Variants in ZNF367 observed in about 807,000 individuals in gnomAD.
ZNF367 encodes zinc finger protein 367, also known as C2H2 zinc finger protein ZFF29.
Under a neutral mutation model 31.8 loss-of-function variants are expected in ZNF367, and 11 were observed. The ratio of observed to expected loss-of-function variants is 0.35; its 90% confidence interval spans 0.22 to 0.57. The LOEUF (loss-of-function observed/expected upper bound fraction) is 0.57. ZNF367 is among the 20% of genes least tolerant of loss of function. The pLI is 0.85. For synonymous variants in ZNF367, 199 were observed against 202.4 expected (o/e 0.98, Z 0.14); for missense variants, 353 against 484.1 (o/e 0.73, Z 2.54).
At position 96,398,306 on chromosome 9, in the gene ZNF367, G is replaced by A; in HGVS notation, c.429C>T (p.Ile143=). Residue 143 remains isoleucine, a synonymous_variant, in exon 2 of 5, where the codon ATC becomes ATT. Coordinates refer to ENST00000375256, the MANE Select transcript of ZNF367 (RefSeq NM_153695.4). The stretch of plus-strand genomic sequence containing the variant: ...TATCTGCTCTGGGCCTACCACGTCG[G>A]ATTCCATCCTGTTGATAATTTTTAT... ...SPDSGHLKDG[I]RRGRPRADTV... 6.2e-7 allele frequency: 1 copy of A among 1,600,824 alleles called. No individual in the cohort carries two copies. The highest frequency in any genetic ancestry group is 8.5e-7 in the Non-Finnish European group (1 of 1,175,654).
intron 1 of ZNF367, among the ~76,000 whole-genome samples, chr9:96,402,982 T>C (rs1260800014): frequency 1.3e-5 from 2 of 151,892 alleles, no homozygotes; most frequent in Admixed American, 1.3e-4. Context: ...ACACTTTTTT[T>C]TTTTTGAGAC....
At chr9:96,393,669 T>C (rs1282437302) in intron 3 of ZNF367, among the ~76,000 whole-genome samples, 1 of 151,670 alleles carries the variant, frequency 6.6e-6, no homozygotes. Context: ...CCATCTCTAC[T>C]AAAAATACAA....
intron 1 of ZNF367, among the ~76,000 whole-genome samples, chr9:96,416,214 G>A (rs1831829117): frequency 1.3e-5 from 2 of 151,444 alleles, no homozygotes; most frequent in East Asian, 1.9e-4. Context: ...AGCCTCCCGA[G>A]TAGCTGGGAC....
chr9:96,409,135 G>A (rs544601648), intron 1 of ZNF367, among the ~76,000 whole-genome samples: 4 of 151,994 alleles, frequency 2.6e-5, no homozygotes, highest in East Asian at 1.9e-4. Context: ...GCTCCCCTTC[G>A]CCTTCTGCCT....
intron 1 of ZNF367, chr9:96,407,805 G>C: frequency 4.7e-6 from 5 of 1,059,232 alleles, no homozygotes; most frequent in Non-Finnish European, 6.9e-6. Context: ...CAATGAGACG[G>C]GGTTTCACCG....
intron 1 of ZNF367, among the ~76,000 whole-genome samples, chr9:96,413,526 G>C (rs1831780291): frequency 6.6e-6 from 1 of 152,148 alleles, no homozygotes; most frequent in African/African-American, 2.4e-5. Flanking sequence ...AATAGTATCT[G>C]AGAAGCCAGA....
intron 1 of ZNF367, among the ~76,000 whole-genome samples, chr9:96,404,384 A>G (rs1587746261): frequency 6.6e-6 from 1 of 152,092 alleles, no homozygotes; most frequent in East Asian, 1.9e-4. Flanking sequence ...TACGAGGTCA[A>G]GAGATCGAGA....
At chr9:96,416,077 T>A (rs982035667) in intron 1 of ZNF367, among the ~76,000 whole-genome samples, 1 of 143,916 alleles carries the variant, frequency 6.9e-6, no homozygotes, top group Non-Finnish European at 1.5e-5. Flanking sequence ...TTATGGTTTT[T>A]TTTTTTGTTG....
intron 3 of ZNF367, among the ~76,000 whole-genome samples, chr9:96,393,007 C>T (rs1009647186): frequency 1.3e-5 from 2 of 152,136 alleles, no homozygotes; most frequent in Non-Finnish European, 2.9e-5. Context: ...ATAGCTTGAA[C>T]CCAGGAGGCA....
At chr9:96,392,618 T>G in intron 3 of ZNF367, 82 bp from the exon 4 acceptor site, 1 of 1,502,118 alleles carries the variant, frequency 6.7e-7, no homozygotes, top group Non-Finnish European at 8.9e-7. Flanking sequence ...TTCACTGGTA[T>G]CCAGAAAAGT....
chr9:96,416,818 A>G (rs965001490), intron 1 of ZNF367, among the ~76,000 whole-genome samples: 1 of 152,204 alleles, frequency 6.6e-6, no homozygotes, highest in African/African-American at 2.4e-5. Context: ...CCTGGAGCTT[A>G]CAGTCTACAG....
In ZNF367 at chr9:96,418,137, C is replaced by T. The variant is rs979765638; in HGVS notation, c.-105G>A. 7.9e-7 allele frequency: 1 copy of T among 1,265,222 alleles called. No individual in the cohort carries two copies. Among genetic ancestry groups the T allele is most frequent in the African/African-American group, 1.5e-5 (1 of 64,564 alleles). 78.4% of individuals were successfully genotyped at this position (1,265,222 alleles called of 1,614,324 possible). A position where few individuals can be genotyped will look rare whatever the true frequency, so the allele number is the denominator to read the frequency against. ...AGTCGCAGGCTCAGTCCTGCCGGCT[C>T]ATGGCAGACTGACGTTTCCCGGAAT... On this transcript the variant is annotated 5_prime_UTR_variant, in exon 1 of 5. It removes an upstream start codon present in the reference 5' UTR. Coordinates refer to ENST00000375256, the MANE Select transcript of ZNF367 (RefSeq NM_153695.4).
intron 1 of ZNF367, chr9:96,407,656 G>GT (rs1328960016): frequency 7.0e-7 from 1 of 1,428,300 alleles, no homozygotes; most frequent in Non-Finnish European, 9.8e-7. Context: ...TCTGCCTAAA[G>GT]TACGTGCCCA....
intron 1 of ZNF367, among the ~76,000 whole-genome samples, chr9:96,414,767 C>T (rs1236082282): frequency 2.6e-5 from 4 of 152,072 alleles, no homozygotes; most frequent in Non-Finnish European, 4.4e-5. Flanking sequence ...TGAGCCTCCG[C>T]GCCTGGCCAC....
At chr9:96,409,770 G>A (rs1194925409) in intron 1 of ZNF367, among the ~76,000 whole-genome samples, 1 of 152,152 alleles carries the variant, frequency 6.6e-6, no homozygotes, top group Non-Finnish European at 1.5e-5. Context: ...TATTAACACA[G>A]AGTCAGACAG....
chr9:96,406,017 T>C (rs916887748), intron 1 of ZNF367, among the ~76,000 whole-genome samples: 2 of 152,246 alleles, frequency 1.3e-5, no homozygotes, highest in African/African-American at 4.8e-5. Flanking sequence ...GGTTCATTAA[T>C]TTTTAACAAA....
At position 96,417,559 on chromosome 9, in the gene ZNF367, T is replaced by G; in HGVS notation, c.420+54A>C. 3 of 323,940 alleles carry G rather than the reference T, an allele frequency of 9.3e-6. No homozygotes were observed. Among genetic ancestry groups the G allele is most frequent in the Non-Finnish European group, 1.1e-5 (2 of 183,876 alleles). 20.1% of individuals were successfully genotyped at this position (323,940 alleles called of 1,614,324 possible). The stretch of plus-strand genomic sequence containing the variant: ...AACTCCGCCCCGCCCGCCGCACCGT[T>G]AACGGGCCCCGGCTGCCCCACGTCC... On this transcript the variant is annotated intron_variant, in intron 1 of 4. Transcript: ENST00000375256. This position sits in a 1 kb window ranked among gnomAD's most constrained non-coding sequence, Gnocchi z 5.0.
chr9:96,395,065 C>T, intron 2 of ZNF367, 123 bp from the exon 3 acceptor site: 1 of 1,040,056 alleles, frequency 9.6e-7, no homozygotes, highest in East Asian at 2.6e-5. Flanking sequence ...TGTCATGGCC[C>T]CTACTGAGCT....
intron 1 of ZNF367, among the ~76,000 whole-genome samples, chr9:96,409,187 T>G (rs1271508525): frequency 4.6e-5 from 7 of 152,232 alleles, no homozygotes; most frequent in Non-Finnish European, 1.0e-4. Flanking sequence ...AAGCAGATTC[T>G]GGTGCCATGC....
Sources: gnomAD v4.1 joint callset for allele counts (sites outside exome capture counted in the v4.1 genomes callset) on GRCh38, gnomAD v4.1.1 for gene constraint, Gnocchi (gnomAD v3.1) non-coding constraint, MANE v1.5 for transcripts, NCBI Gene and HGNC (gene_info 2026-07-23, HGNC 2026-07-21) for gene names.